Variants in FAM210A observed in about 807,000 individuals in gnomAD.
FAM210A encodes mitochondrial inner membrane scaffold 1.
A neutral mutation model predicts 25.3 loss-of-function variants in FAM210A; 13 were observed. The ratio of observed to expected loss-of-function variants is 0.51; its 90% CI spans 0.33 to 0.82. The LOEUF (loss-of-function observed/expected upper bound fraction) is 0.82, where lower values mean the gene tolerates loss of function less well. FAM210A is among the 40% of genes least tolerant of loss of function. The pLI, the probability that FAM210A is intolerant of heterozygous loss-of-function variation, is 0.02. For missense variants in FAM210A, 319 were observed against 323.2 expected, an observed-to-expected ratio of 0.99 and a Z score of 0.10; for synonymous variants, 125 against 118.7, an observed-to-expected ratio of 1.05 and a Z score of -0.35.
chr18:13,681,855 G>A lies in FAM210A; in HGVS notation c.223C>T (p.Pro75Ser). The A allele has an allele frequency of 6.2e-7, 1 of 1,614,226 alleles. No individual in the cohort carries two copies. Among genetic ancestry groups the A allele is most frequent in the South Asian group, 1.1e-5 (1 of 91,078 alleles). Residue 75 changes from proline (P) to serine (S), a missense_variant, in exon 2 of 4, where the codon CCA becomes TCA. Coordinates refer to ENST00000651643, the MANE Select transcript of FAM210A (RefSeq NM_152352.4). ...AKERRPLDAH[P>S]PQPGVLRHKQ... ...TGGCGAAGGACTCCTGGTTGGGGTG[G>A]ATGAGCATCCAATGGCCTCCTTTCC...
chr18:13,705,616 C>T (rs556906116), intron 1 of FAM210A, among the ~76,000 whole-genome samples: 1 of 152,184 alleles, frequency 6.6e-6, no homozygotes, highest in African/African-American at 2.4e-5. Flanking sequence ...GGACTACAGG[C>T]GTGTGCCACC....
intron 2 of FAM210A, among the ~76,000 whole-genome samples, chr18:13,675,134 A>T (rs549217073): frequency 3.5e-5 from 4 of 114,012 alleles, no homozygotes; most frequent in Non-Finnish European, 7.1e-5. Flanking sequence ...CTTTATTTCC[A>T]GTTTCCTGAT....
chr18:13,676,070 C>T lies in FAM210A; in HGVS notation c.474-4097G>A, dbSNP rs192966255. On this transcript the variant is annotated intron_variant, in intron 2 of 3. Transcript: ENST00000651643. ...TTCCTGATTATTAACATTCCTGAGC[C>T]GTGGTGACTTCTTTATTTCCAGTTT... 3.4e-4 allele frequency among the ~76,000 whole-genome samples: 51 copies of T among 149,838 alleles called. 1 individual carries two copies. Among genetic ancestry groups the T allele is most frequent in the Admixed American group, 1.5e-3 (23 of 15,020 alleles).
intron 2 of FAM210A, among the ~76,000 whole-genome samples, chr18:13,677,602 G>T (rs1429339873): frequency 1.3e-5 from 2 of 152,180 alleles, no homozygotes; most frequent in African/African-American, 2.4e-5. Flanking sequence ...GGCCCAGGGT[G>T]TGGCGCCGGG....
chr18:13,691,518 T>A (rs1319439736), intron 1 of FAM210A, among the ~76,000 whole-genome samples: 1 of 152,088 alleles, frequency 6.6e-6, no homozygotes, highest in Non-Finnish European at 1.5e-5. Flanking sequence ...AAGACTGGGT[T>A]ACCCACAAAG....
At chr18:13,713,253 G>A (rs536366897) in intron 1 of FAM210A, among the ~76,000 whole-genome samples, 1 of 152,144 alleles carries the variant, frequency 6.6e-6, no homozygotes, top group African/African-American at 2.4e-5. Flanking sequence ...ATGTATGTTT[G>A]TATGTTGATA....
chr18:13,695,831 T>C (rs1033407035), intron 1 of FAM210A, among the ~76,000 whole-genome samples: 13 of 152,152 alleles, frequency 8.5e-5, no homozygotes, highest in African/African-American at 3.1e-4. Flanking sequence ...CGGCACGTTG[T>C]GCACATGTAC....
rs372844962 is a variant in FAM210A at position 13,675,026 on chromosome 18, T to C, written c.474-3053A>G. On this transcript the variant is annotated intron_variant, in intron 2 of 3. Coordinates refer to ENST00000651643, the MANE Select transcript of FAM210A (RefSeq NM_152352.4). Reference sequence around the variant, plus strand: ...CCTGATTATTAACATTCCTGAGCCCTGGCTTCTTTATTTCCTGTTTCCTGA... The same window carrying C: ...CCTGATTATTAACATTCCTGAGCCCCGGCTTCTTTATTTCCTGTTTCCTGA... 6.6e-3 allele frequency among the ~76,000 whole-genome samples: 670 copies of C among 102,094 alleles called. 8 individuals carry two copies. The highest frequency in any genetic ancestry group is 0.022 in the African/African-American group (596 of 26,652). The allele number at this position is 102,094 out of a possible 152,430, so 67.0% of individuals were successfully genotyped here.
At position 13,681,585 on chromosome 18, in the gene FAM210A, T is replaced by C. The variant is rs2043553826; in HGVS notation, c.473+20A>G. 1.3e-6 allele frequency: 2 copies of C among 1,551,262 alleles called. No homozygotes were observed. The highest frequency in any genetic ancestry group is 2.5e-5 in the South Asian group (2 of 80,884). On this transcript the variant is annotated intron_variant, in intron 2 of 3. Transcript: ENST00000651643. ...ATTCTGGTAAGACAGGGAAAGACAT[T>C]CAACTAAGCAAAAACTTACTTCAAG...
chr18:13,692,708 A>C (rs982262894), intron 1 of FAM210A, among the ~76,000 whole-genome samples: 43 of 152,258 alleles, frequency 2.8e-4, no homozygotes, highest in African/African-American at 9.9e-4. Context: ...ATGAGAACAA[A>C]GACACAACAT....
chr18:13,712,568 G>C (rs187801372), intron 1 of FAM210A, among the ~76,000 whole-genome samples: 2 of 152,218 alleles, frequency 1.3e-5, no homozygotes, highest in Non-Finnish European at 2.9e-5. Flanking sequence ...TCCTGAATGA[G>C]AATAGCGACC....
At chr18:13,690,645 T>G (rs1460419007) in intron 1 of FAM210A, among the ~76,000 whole-genome samples, 1 of 152,164 alleles carries the variant, frequency 6.6e-6, no homozygotes, top group East Asian at 1.9e-4. Flanking sequence ...GCAAATAGGG[T>G]CTGGAGTGGA....
intron 1 of FAM210A, among the ~76,000 whole-genome samples, chr18:13,690,403 T>C (rs971673115): frequency 2.0e-5 from 3 of 151,936 alleles, no homozygotes; most frequent in Non-Finnish European, 2.9e-5. Context: ...TTGAAGAGAG[T>C]AGTGGTTCTC....
At chr18:13,709,495 T>C (rs2043805922) in intron 1 of FAM210A, among the ~76,000 whole-genome samples, 1 of 152,348 alleles carries the variant, frequency 6.6e-6, no homozygotes, top group East Asian at 1.9e-4. Context: ...AATTGCCACC[T>C]GCTCTGTAAA....
In FAM210A at chr18:13,681,979, C is replaced by G. The variant is rs1284625187; in HGVS notation, c.99G>C (p.Lys33Asn). The change falls in exon 2 of 4, where the codon AAG (lysine) becomes AAC (asparagine). Residue 33 changes from lysine to asparagine, a missense_variant. Physicochemically the swap from Lys to Asn is moderately conservative, Grantham distance 94. Transcript: ENST00000651643. ...CAGCATTGTATAAAAGTAAAGGTCCCTTTACATTTTGACAGTGTCCAAAGA... is the reference window on the plus strand; with the variant it reads ...CAGCATTGTATAAAAGTAAAGGTCCGTTTACATTTTGACAGTGTCCAAAGA... ...AGLFGHCQNV[K>N]GPLLLYNAES... 1 of 1,614,150 alleles carries G rather than the reference C, an allele frequency of 6.2e-7. No individual in the cohort carries two copies. The highest frequency in any genetic ancestry group is 8.5e-7 in the Non-Finnish European group (1 of 1,180,024).
intron 2 of FAM210A, among the ~76,000 whole-genome samples, chr18:13,678,131 G>C (rs2043520378): frequency 6.6e-6 from 1 of 152,022 alleles, no homozygotes; most frequent in African/African-American, 2.4e-5. Context: ...ATTAAGATAA[G>C]GTTTAGGCCA....
intron 1 of FAM210A, among the ~76,000 whole-genome samples, chr18:13,694,584 T>C (rs2043676534): frequency 6.6e-6 from 1 of 152,324 alleles, no homozygotes; most frequent in South Asian, 2.1e-4. Context: ...CCACCTGATC[T>C]TTGACAAACC....
chr18:13,723,411 CAGAT>C, intron 1 of FAM210A, among the ~76,000 whole-genome samples: 1 of 152,288 alleles, frequency 6.6e-6, no homozygotes, highest in East Asian at 1.9e-4. Context: ...TACATATAGA[CAGAT>C]ACAGAGATAT....
chr18:13,677,940 T>C (rs1226603181), intron 2 of FAM210A, among the ~76,000 whole-genome samples: 3 of 152,144 alleles, frequency 2.0e-5, no homozygotes, highest in Admixed American at 6.5e-5. Context: ...TGGCTGATCA[T>C]CCTCAAGAAA....
Sources: allele counts gnomAD v4.1 joint callset (sites outside exome capture counted in the v4.1 genomes callset), GRCh38; gene constraint gnomAD v4.1.1; transcripts MANE v1.5; gene names NCBI Gene and HGNC (gene_info 2026-07-23, HGNC 2026-07-21).